FAM178B: variants seen among roughly 807,000 people sequenced by gnomAD.
FAM178B encodes family with sequence similarity 178 member B, also known as protein FAM178B.
Under a neutral mutation model 91.7 loss-of-function variants are expected in FAM178B, and 82 were observed. The ratio of observed to expected loss-of-function variants is 0.89; its 90% CI spans 0.75 to 1.07. FAM178B has a LOEUF of 1.07. Among genes scored for constraint, FAM178B ranks in the 50% least tolerant of loss-of-function variants. The pLI is 0.00. For missense variants in FAM178B, 769 were observed against 846.7 expected, an observed-to-expected ratio of 0.91 and a Z score of 1.14; for synonymous variants, 368 against 359.4, an observed-to-expected ratio of 1.02 and a Z score of -0.27.
chr2:96,980,517 CTT>C (rs1195267088), intron 1 of FAM178B, among the ~76,000 whole-genome samples: 1 of 152,190 alleles, frequency 6.6e-6, no homozygotes, highest in Non-Finnish European at 1.5e-5. Context: ...CCTGCCTTAA[CTT>C]AGCCTCTTGT....
At chr2:96,963,436 C>G (rs1381870127) in intron 5 of FAM178B, among the ~76,000 whole-genome samples, 1 of 152,208 alleles carries the variant, frequency 6.6e-6, no homozygotes, top group African/African-American at 2.4e-5. Context: ...ACATGCCCCA[C>G]CATGCCCATC....
At chr2:96,947,750 C>G in intron 8 of FAM178B, 68 bp downstream of exon 8, 2 of 919,824 alleles carry the variant, frequency 2.2e-6, no homozygotes, top group South Asian at 2.9e-5. Context: ...GCTCTGGGCA[C>G]TGAGAGTCAC....
Position 96,876,266 on chromosome 2 carries a change from C to T in FAM178B, c.*10G>A, listed in dbSNP as rs376012535. Reference sequence around the variant, plus strand: ...AGCCAGGAGCCCTGGGCTGCCCTGACCCTGTCCCTTTAGATGTCTTTCCAG... The same window carrying T: ...AGCCAGGAGCCCTGGGCTGCCCTGATCCTGTCCCTTTAGATGTCTTTCCAG... On this transcript the variant is annotated 3_prime_UTR_variant, in exon 17 of 17. Coordinates refer to ENST00000490605, the MANE Select transcript of FAM178B (RefSeq NM_001122646.3). 2,179 of 1,608,384 alleles carry T rather than the reference C, an allele frequency of 1.4e-3. 6 individuals carry two copies. The highest frequency in any genetic ancestry group is 1.6e-3 in the Non-Finnish European group (1,917 of 1,178,212).
chr2:96,907,467 G>C (rs1444471104), intron 12 of FAM178B, among the ~76,000 whole-genome samples: 1 of 152,130 alleles, frequency 6.6e-6, no homozygotes, highest in African/African-American at 2.4e-5. Context: ...CAGAGGAGGA[G>C]GCAGAAGCCA....
At chr2:96,916,647 C>T (rs1028125171) in intron 12 of FAM178B, among the ~76,000 whole-genome samples, 44 of 152,188 alleles carry the variant, frequency 2.9e-4, no homozygotes, top group African/African-American at 1.1e-3. Context: ...CTCCAAGAAC[C>T]TCCTCTTCCC....
At chr2:96,937,852 C>T (rs1312770278) in intron 8 of FAM178B, among the ~76,000 whole-genome samples, 2 of 152,042 alleles carry the variant, frequency 1.3e-5, no homozygotes, top group African/African-American at 4.8e-5. Context: ...ACAGTGAGAC[C>T]CTATCTCTAC....
intron 8 of FAM178B, among the ~76,000 whole-genome samples, chr2:96,936,513 TTG>T (rs2081634213): frequency 1.5e-5 from 2 of 131,168 alleles, no homozygotes; most frequent in African/African-American, 3.5e-5. Context: ...TTTTTTTTGG[TTG>T]TTTTTTTTTT....
intron 6 of FAM178B, among the ~76,000 whole-genome samples, chr2:96,953,969 G>A (rs2081964107): frequency 6.6e-6 from 1 of 152,238 alleles, no homozygotes. Flanking sequence ...GGTGGGAGGT[G>A]TGTGCAGTGA....
At chr2:96,912,882 T>C (rs2081182209) in intron 12 of FAM178B, among the ~76,000 whole-genome samples, 1 of 152,134 alleles carries the variant, frequency 6.6e-6, no homozygotes, top group Non-Finnish European at 1.5e-5. Context: ...GTGAGAGCTC[T>C]CTGTGACACT....
intron 13 of FAM178B, among the ~76,000 whole-genome samples, chr2:96,899,681 A>G (rs1274693315): frequency 6.6e-6 from 1 of 151,174 alleles, no homozygotes; most frequent in Non-Finnish European, 1.5e-5. Flanking sequence ...TTCCCACATC[A>G]GCATCCCCAC....
intron 6 of FAM178B, 61 bp from the exon 7 acceptor site, chr2:96,951,545 C>T (rs1329572900): frequency 7.7e-7 from 1 of 1,306,080 alleles, no homozygotes; most frequent in Non-Finnish European, 1.1e-6. Context: ...GTCTCGGTGA[C>T]ACCGCGGGAG....
At position 96,899,832 on chromosome 2, in the gene FAM178B, C is replaced by T. The variant is rs566697709; in HGVS notation, c.1650+2788G>A. On this transcript the variant is annotated intron_variant, in intron 13 of 16. Transcript: ENST00000490605. ...ATTACAGGCCAGAGACACTGCCTCC[C>T]GCGCCCCCATTCCCCACTCTTTTTT... 1.7e-4 allele frequency among the ~76,000 whole-genome samples: 26 copies of T among 150,668 alleles called. No homozygotes were observed. The South Asian group carries it at 4.2e-3, about 24-fold the overall frequency.
chr2:96,880,311 C>G (rs2080348240), intron 14 of FAM178B, among the ~76,000 whole-genome samples: 1 of 152,024 alleles, frequency 6.6e-6, no homozygotes, highest in Admixed American at 6.6e-5. Flanking sequence ...GAAACAGAAG[C>G]CACAGACCCT....
chr2:96,901,212 G>C (rs1030093263), intron 13 of FAM178B, among the ~76,000 whole-genome samples: 1 of 141,808 alleles, frequency 7.1e-6, no homozygotes, highest in African/African-American at 2.7e-5. Flanking sequence ...TTGCCCTGTC[G>C]CCCAGGCTGG....
chr2:96,897,899 T>G, intron 13 of FAM178B: 100 of 940,216 alleles, frequency 1.1e-4, no homozygotes, highest in South Asian at 1.5e-4. Context: ...TCTGGCTAAC[T>G]GAGCCTCCAC....
At chr2:96,911,442 G>A (rs1187789603) in intron 12 of FAM178B, among the ~76,000 whole-genome samples, 1 of 152,224 alleles carries the variant, frequency 6.6e-6, no homozygotes, top group Non-Finnish European at 1.5e-5. Flanking sequence ...CTAGGACGCG[G>A]CAAAAGCGTG....
chr2:96,936,982 G>C (rs958308530), intron 8 of FAM178B, among the ~76,000 whole-genome samples: 3 of 152,158 alleles, frequency 2.0e-5, no homozygotes, highest in Admixed American at 6.5e-5. Flanking sequence ...AACCTCCTGG[G>C]CTCAAGCTAT....
At chr2:96,902,295 C>G (rs1362074914) in intron 13 of FAM178B, among the ~76,000 whole-genome samples, 1 of 151,848 alleles carries the variant, frequency 6.6e-6, no homozygotes, top group African/African-American at 2.4e-5. Context: ...TTAGTGGAGA[C>G]GGGTTTCACC....
At chr2:96,964,284 T>C (rs2082117945) in intron 5 of FAM178B, among the ~76,000 whole-genome samples, 1 of 151,858 alleles carries the variant, frequency 6.6e-6, no homozygotes, top group Admixed American at 6.6e-5. Flanking sequence ...CCATGTAATG[T>C]GGGGATCCTA....
Sources: allele counts gnomAD v4.1 joint callset (sites outside exome capture counted in the v4.1 genomes callset), GRCh38; gene constraint gnomAD v4.1.1; transcripts MANE v1.5; gene names NCBI Gene and HGNC (gene_info 2026-07-23, HGNC 2026-07-21).